DOCK9: variants seen among roughly 807,000 people sequenced by gnomAD.
DOCK9 encodes dedicator of cytokinesis 9, also known as dedicator of cytokinesis protein 9.
In DOCK9, 89 loss-of-function variants were observed where a neutral mutation model predicts 263.3. The observed-to-expected ratio is 0.34, with a 90% CI of 0.28 to 0.40. The LOEUF (loss-of-function observed/expected upper bound fraction) is 0.40, where lower values mean the gene tolerates loss of function less well. Among genes scored for constraint, DOCK9 ranks in the 10% least tolerant of loss-of-function variants. The probability of loss-of-function intolerance (pLI) is 1.00; values close to 1 mark genes in which losing one functional copy is unlikely to be tolerated. For missense variants in DOCK9, 2,140 were observed against 2,603.4 expected, an observed-to-expected ratio of 0.82 and a Z score of 3.87; for synonymous variants, 976 against 973.1, an observed-to-expected ratio of 1.00 and a Z score of -0.06.
At chr13:98,967,206 C>T (rs2059298661) in intron 1 of DOCK9, among the ~76,000 whole-genome samples, 4 of 152,208 alleles carry the variant, frequency 2.6e-5, no homozygotes, top group Non-Finnish European at 4.4e-5. Flanking sequence ...GGAAAAGTAA[C>T]AATTTCTGTT....
At chr13:99,046,589 G>C (rs1031786409) in intron 1 of DOCK9, among the ~76,000 whole-genome samples, 1 of 152,196 alleles carries the variant, frequency 6.6e-6, no homozygotes, top group Non-Finnish European at 1.5e-5. Context: ...CACCTGACAG[G>C]AAAGTCCAGG....
At chr13:98,873,555 C>A (rs1024918765) in intron 27 of DOCK9, among the ~76,000 whole-genome samples, 1 of 152,196 alleles carries the variant, frequency 6.6e-6, no homozygotes, top group African/African-American at 2.4e-5. Context: ...CTGGCCAATG[C>A]GATAGCAGTG....
At chr13:98,803,834 C>T (rs2090387644) in intron 49 of DOCK9, among the ~76,000 whole-genome samples, 1 of 152,124 alleles carries the variant, frequency 6.6e-6, no homozygotes. Context: ...ATTAGGGACA[C>T]TTTAAGAACA....
chr13:99,058,716 G>A (rs2041044493), intron 1 of DOCK9, among the ~76,000 whole-genome samples: 1 of 152,156 alleles, frequency 6.6e-6, no homozygotes, highest in Non-Finnish European at 1.5e-5. Flanking sequence ...AGGTAACAGA[G>A]CCAAGGAAGG....
chr13:98,806,021 A>G (rs954695509), intron 48 of DOCK9, among the ~76,000 whole-genome samples: 4 of 152,144 alleles, frequency 2.6e-5, no homozygotes, highest in Non-Finnish European at 4.4e-5. Flanking sequence ...TGGCCTCCCA[A>G]AGTGCTGGTT....
intron 2 of DOCK9, among the ~76,000 whole-genome samples, chr13:98,940,150 C>T (rs2055574719): frequency 1.3e-5 from 2 of 152,194 alleles, no homozygotes; most frequent in South Asian, 2.1e-4. Flanking sequence ...TTACACAGGG[C>T]GTTCCCACAT....
intron 15 of DOCK9, 21 bp from the exon 16 acceptor site, chr13:98,888,732 A>C (rs1488428099): frequency 1.2e-6 from 2 of 1,605,308 alleles, no homozygotes; most frequent in Admixed American, 3.4e-5. Context: ...AAGAAGAGAA[A>C]AATTAAACAT....
intron 1 of DOCK9, among the ~76,000 whole-genome samples, chr13:99,075,319 G>A (rs868549644): frequency 2.0e-5 from 3 of 147,514 alleles, no homozygotes; most frequent in Non-Finnish European, 3.0e-5. Context: ...GACCTGTGGA[G>A]TTCAAACCCA....
At chr13:98,819,192 G>A (rs190572829) in intron 45 of DOCK9, among the ~76,000 whole-genome samples, 1 of 152,194 alleles carries the variant, frequency 6.6e-6, no homozygotes, top group African/African-American at 2.4e-5. Flanking sequence ...GGTTTGGGGG[G>A]TAAGGATGGG....
chr13:98,839,248 T>C (rs1274667719), intron 38 of DOCK9, among the ~76,000 whole-genome samples: 1 of 152,210 alleles, frequency 6.6e-6, no homozygotes, highest in Non-Finnish European at 1.5e-5. Context: ...CTAGTTCTAT[T>C]TCATTTTTTG....
chr13:98,909,641 A>G (rs1373350082), intron 9 of DOCK9, among the ~76,000 whole-genome samples: 1 of 152,178 alleles, frequency 6.6e-6, no homozygotes, highest in Non-Finnish European at 1.5e-5. Flanking sequence ...CCTCTTCACA[A>G]AGGAGGCCCA....
At chr13:98,841,691 G>A (rs1048283742) in intron 38 of DOCK9, among the ~76,000 whole-genome samples, 4 of 148,396 alleles carry the variant, frequency 2.7e-5, no homozygotes, top group Non-Finnish European at 4.4e-5. Context: ...GCATGATCTC[G>A]GCTCACTGTA....
chr13:98,847,076 A>G (rs1033429441), intron 37 of DOCK9: 2 of 156,618 alleles, frequency 1.3e-5, no homozygotes, highest in African/African-American at 4.8e-5. Context: ...ATTTATATCC[A>G]CTGAAAAAAA....
intron 27 of DOCK9, among the ~76,000 whole-genome samples, chr13:98,875,575 T>C (rs2043697171): frequency 6.6e-6 from 1 of 152,154 alleles, no homozygotes; most frequent in South Asian, 2.1e-4. Context: ...GGAAAGGAAA[T>C]GCAAAAGCAG....
intron 2 of DOCK9, among the ~76,000 whole-genome samples, chr13:98,940,656 T>G (rs750605381): frequency 6.6e-6 from 1 of 152,078 alleles, no homozygotes; most frequent in African/African-American, 2.4e-5. Context: ...ATCCATCTTG[T>G]TGGTGGTCTT....
chr13:98,865,269 G>A (rs1426773801), intron 30 of DOCK9, among the ~76,000 whole-genome samples: 1 of 152,042 alleles, frequency 6.6e-6, no homozygotes, highest in Non-Finnish European at 1.5e-5. Context: ...ACAGGGTTTT[G>A]TTATGCTTCC....
At chr13:98,937,523 T>C (rs2055075557) in intron 2 of DOCK9, among the ~76,000 whole-genome samples, 2 of 152,174 alleles carry the variant, frequency 1.3e-5, no homozygotes, top group Admixed American at 6.5e-5. Flanking sequence ...CACGTAGCCT[T>C]TGACACTAAG....
intron 1 of DOCK9, among the ~76,000 whole-genome samples, chr13:99,026,708 G>GA (rs757332566): frequency 1.7e-4 from 25 of 151,478 alleles, no homozygotes; most frequent in Non-Finnish European, 2.9e-4. Flanking sequence ...CAAGATCCAA[G>GA]AAAAAAATAC....
chr13:98,849,991 C>G, intron 36 of DOCK9, 56 bp downstream of exon 36: 1 of 1,277,792 alleles, frequency 7.8e-7, no homozygotes, highest in Non-Finnish European at 1.1e-6. Flanking sequence ...TTCTTCAAGC[C>G]TCTTAATGAT....
Sources: allele counts gnomAD v4.1 joint callset (sites outside exome capture counted in the v4.1 genomes callset), GRCh38; gene constraint gnomAD v4.1.1; transcripts MANE v1.5; gene names NCBI Gene and HGNC (gene_info 2026-07-23, HGNC 2026-07-21).